Variants in R3HDM1 observed in about 807,000 individuals in gnomAD.
R3HDM1 encodes R3H domain containing 1.
A neutral mutation model predicts 141.1 loss-of-function variants in R3HDM1; 46 were observed. The ratio of observed to expected loss-of-function variants is 0.33; its 90% CI spans 0.26 to 0.42. The LOEUF is 0.42. R3HDM1 is among the 10% of genes least tolerant of loss of function. The pLI is 1.00. For synonymous variants in R3HDM1, 435 were observed against 472.9 expected (o/e 0.92, Z 1.04); for missense variants, 1,184 against 1,368.3 (o/e 0.87, Z 2.12).
rs3795901 is a variant in R3HDM1 at position 135,665,746 on chromosome 2, G to A, written c.2152+4353G>A. Among the ~76,000 whole-genome samples, 1,609 of 152,210 alleles carry A rather than the reference G, an allele frequency of 0.011. 96 individuals carry two copies. The East Asian group carries it at 0.19, about 18-fold the overall frequency. ...TTTGAGCTTATCTAAAAAGCTTAAT[G>A]TTTTAAGCATACCAAACTCATTAGC... is the stretch of plus-strand genomic sequence containing the variant. On this transcript the variant is annotated intron_variant, in intron 19 of 26. Transcript: ENST00000683871.
chr2:135,593,682 AG>A (rs1482618603), intron 1 of R3HDM1, among the ~76,000 whole-genome samples: 1 of 152,024 alleles, frequency 6.6e-6, no homozygotes, highest in Non-Finnish European at 1.5e-5. Flanking sequence ...TTTAGTCTTC[AG>A]GGTACCATAT....
At chr2:135,611,121 TAAAAAA>T (rs879886168) in intron 3 of R3HDM1, among the ~76,000 whole-genome samples, 1 of 132,086 alleles carries the variant, frequency 7.6e-6, no homozygotes. Context: ...AAATAAAATT[TAAAAAA>T]AAAAAAAAGG....
At chr2:135,626,200 C>T (rs79805976) in intron 7 of R3HDM1, among the ~76,000 whole-genome samples, 12 of 140,676 alleles carry the variant, frequency 8.5e-5, no homozygotes, top group South Asian at 2.4e-4. Flanking sequence ...TGCGTGCGTG[C>T]GTGCGTGCGT....
intron 1 of R3HDM1, among the ~76,000 whole-genome samples, chr2:135,574,848 A>G (rs1465838144): frequency 6.6e-6 from 1 of 152,166 alleles, no homozygotes; most frequent in Non-Finnish European, 1.5e-5. Flanking sequence ...TCTTAGTCCT[A>G]AAGCCAGGAA....
At chr2:135,677,907 T>C (rs1030710681) in intron 20 of R3HDM1, among the ~76,000 whole-genome samples, 8 of 152,184 alleles carry the variant, frequency 5.3e-5, no homozygotes, top group Admixed American at 5.2e-4. Context: ...GTACACTCTC[T>C]AGTAGTGGTC....
rs2059707413 is a variant in R3HDM1, at chr2:135,602,531, G to C, written c.-218G>C. 1 of 1,416,320 alleles carries C rather than the reference G, an allele frequency of 7.1e-7. No individual in the cohort carries two copies. The highest frequency in any genetic ancestry group is 9.2e-7 in the Non-Finnish European group (1 of 1,083,696). 87.7% of individuals were successfully genotyped at this position (1,416,320 alleles called of 1,614,324 possible). A position where few individuals can be genotyped will look rare whatever the true frequency, so the allele number is the denominator to read the frequency against. Reference sequence around the variant, plus strand: ...GAAAGGTATGATATATTTGATCCAAGACAGTCCATTCCAGTCCGGGAATCT... The same window carrying C: ...GAAAGGTATGATATATTTGATCCAACACAGTCCATTCCAGTCCGGGAATCT... On this transcript the variant is annotated 5_prime_UTR_variant, in exon 2 of 27. Transcript: ENST00000683871.
At chr2:135,569,062 A>C (rs754836933) in intron 1 of R3HDM1, among the ~76,000 whole-genome samples, 1 of 152,184 alleles carries the variant, frequency 6.6e-6, no homozygotes, top group Non-Finnish European at 1.5e-5. Flanking sequence ...ACTGTGGCCT[A>C]TTTAAGTTTC....
intron 1 of R3HDM1, among the ~76,000 whole-genome samples, chr2:135,553,052 T>A (rs1700113228): frequency 6.6e-6 from 1 of 152,088 alleles, no homozygotes; most frequent in African/African-American, 2.4e-5. Flanking sequence ...TTAATTTTTG[T>A]AGAGACAGGG....
chr2:135,643,195 C>T (rs780161050), intron 15 of R3HDM1, among the ~76,000 whole-genome samples: 9 of 151,932 alleles, frequency 5.9e-5, no homozygotes, highest in African/African-American at 1.7e-4. Flanking sequence ...TACATTTGAC[C>T]GCCTTCACCC....
chr2:135,652,139 G>A, intron 18 of R3HDM1, 107 bp downstream of exon 18: 1 of 1,429,754 alleles, frequency 7.0e-7, no homozygotes, highest in East Asian at 2.5e-5. Flanking sequence ...ATTTGTGAGA[G>A]TATATAAACA....
intron 1 of R3HDM1, among the ~76,000 whole-genome samples, chr2:135,602,149 G>C (rs1212873184): frequency 3.3e-5 from 5 of 151,990 alleles, no homozygotes; most frequent in African/African-American, 1.2e-4. Flanking sequence ...TAAAAATGAT[G>C]GTTCTTGGAG....
rs370028489 is a variant in R3HDM1 at position 135,722,498 on chromosome 2, A to C, written c.2994A>C (p.Arg998=). 2.1e-4 allele frequency: 336 copies of C among 1,613,724 alleles called. 1 individual carries two copies. Among genetic ancestry groups the C allele is most frequent in the South Asian group, 3.5e-4 (32 of 91,012 alleles). ...QGQPGSRHGN[R]GRRQAKKAAS... is the part of the protein sequence containing the mutation. ...AGCCTGGCAGCAGGCATGGAAACCGAGGAAGGAGACAAGCTAAAAAAGCTG... is the reference window on the plus strand; with the variant it reads ...AGCCTGGCAGCAGGCATGGAAACCGCGGAAGGAGACAAGCTAAAAAAGCTG... Residue 998 remains arginine (R), a synonymous_variant, in exon 26 of 27, where the codon CGA becomes CGC. Coordinates refer to ENST00000683871, the MANE Select transcript of R3HDM1 (RefSeq NM_001378107.1).
In R3HDM1 at chr2:135,549,269, T is replaced by A. The variant is rs534221408; in HGVS notation, c.-250+17636T>A. ...TGGTTTGTTTTTTAAAAAAATGGGGTCTTGGCCAGGCACGGTGGCTCACAC... is the reference window on the plus strand; with the variant it reads ...TGGTTTGTTTTTTAAAAAAATGGGGACTTGGCCAGGCACGGTGGCTCACAC... On this transcript the variant is annotated intron_variant, in intron 1 of 26. Coordinates refer to ENST00000683871, the MANE Select transcript of R3HDM1 (RefSeq NM_001378107.1). Among the ~76,000 whole-genome samples the A allele has an allele frequency of 6.6e-5, 10 of 151,916 alleles. No individual in the cohort carries two copies. The South Asian group carries it at 2.1e-3, about 32-fold the overall frequency.
At chr2:135,542,962 C>T (rs1697937066) in intron 1 of R3HDM1, among the ~76,000 whole-genome samples, 1 of 152,168 alleles carries the variant, frequency 6.6e-6, no homozygotes, top group Admixed American at 6.5e-5. Context: ...GTCTCAAGCT[C>T]CTGACCTCAA....
intron 3 of R3HDM1, among the ~76,000 whole-genome samples, chr2:135,615,638 A>C (rs2060955418): frequency 2.6e-5 from 4 of 152,122 alleles, no homozygotes; most frequent in Admixed American, 2.6e-4. Flanking sequence ...TTCTATCACT[A>C]ATAAACTGGT....
intron 7 of R3HDM1, among the ~76,000 whole-genome samples, chr2:135,625,144 A>T (rs867194634): frequency 9.3e-4 from 142 of 152,352 alleles, no homozygotes; most frequent in African/African-American, 3.0e-3. Context: ...GGGAACAGTT[A>T]CACTGAAAAT....
intron 21 of R3HDM1, among the ~76,000 whole-genome samples, chr2:135,694,374 T>C (rs1463735162): frequency 6.6e-6 from 1 of 152,212 alleles, no homozygotes; most frequent in Non-Finnish European, 1.5e-5. Context: ...GGGAGTGTGC[T>C]GACTTTGGCA....
chr2:135,547,239 G>A (rs78243395), intron 1 of R3HDM1, among the ~76,000 whole-genome samples: 1,571 of 152,118 alleles, frequency 0.01, 24 homozygotes, highest in African/African-American at 0.036. Context: ...TTTTTAAGTA[G>A]CATTTTTAAA....
intron 1 of R3HDM1, among the ~76,000 whole-genome samples, chr2:135,569,916 C>G (rs1442298884): frequency 1.3e-5 from 2 of 151,934 alleles, no homozygotes; most frequent in Non-Finnish European, 2.9e-5. Context: ...TTAGTAGAGA[C>G]TGGGTTTCAA....
Sources: gnomAD v4.1 joint callset for allele counts (sites outside exome capture counted in the v4.1 genomes callset) on GRCh38, gnomAD v4.1.1 for gene constraint, MANE v1.5 for transcripts, NCBI Gene and HGNC (gene_info 2026-07-23, HGNC 2026-07-21) for gene names.